PDCD7: variants seen among roughly 807,000 people sequenced by gnomAD.
PDCD7 encodes programmed cell death 7.
In PDCD7, 40 loss-of-function variants were observed where a neutral mutation model predicts 42.1. That is an observed-to-expected ratio of 0.95 (90% confidence interval 0.74 to 1.24). The LOEUF (loss-of-function observed/expected upper bound fraction) is 1.24. Ranked by LOEUF, PDCD7 falls within the 50% of genes most tolerant of loss-of-function variation. The pLI is 0.00. For missense variants in PDCD7, 644 were observed against 662.8 expected, an observed-to-expected ratio of 0.97 and a Z score of 0.31; for synonymous variants, 299 against 303.3, an observed-to-expected ratio of 0.99 and a Z score of 0.15.
chr15:65,128,892 A>T, intron 2 of PDCD7, 140 bp downstream of exon 2: 1 of 933,972 alleles, frequency 1.1e-6, no homozygotes, highest in Non-Finnish European at 1.6e-6. Flanking sequence ...GTTCTGACCT[A>T]CTTGCTGACA....
At position 65,133,100 on chromosome 15, in the gene PDCD7, G is replaced by C. The variant is rs776418706; in HGVS notation, c.682C>G (p.Gln228Glu). The C allele has an allele frequency of 1.3e-6, 2 of 1,558,712 alleles. No homozygotes were observed. Among genetic ancestry groups the C allele is most frequent in the East Asian group, 2.4e-5 (1 of 42,326 alleles). Residue 228 changes from glutamine to glutamate, a missense_variant, in exon 1 of 5, where the codon CAG becomes GAG. By Grantham distance (29) the Gln-to-Glu change is conservative. Transcript: ENST00000204549. The stretch of plus-strand genomic sequence containing the variant: ...CGCGCCTCGCCCACATAGGCAGCCT[G>C]GGTCAACGGCTGTAGCCGCTCGGCC... ...ELAERLQPLT[Q>E]AAYVGEARRR...
At position 65,124,873 on chromosome 15, in the gene PDCD7, G is replaced by GTAC. The variant is rs905864539; in HGVS notation, c.1009+4156_1009+4158dup. ...GCTCTGTGCTCACCTGTCAGCTACAGTACTACTGGAAGAGGTCATTTGATT... is the reference window on the plus strand; with the variant it reads ...GCTCTGTGCTCACCTGTCAGCTACAGTACTACTACTGGAAGAGGTCATTTGATT... On this transcript the variant is annotated intron_variant, in intron 2 of 4. Transcript: ENST00000204549. Among the ~76,000 whole-genome samples the GTAC allele has an allele frequency of 5.9e-5, 9 of 152,260 alleles. No homozygotes were observed. In the South Asian group the frequency reaches 1.5e-3, roughly 25 times the overall value.
chr15:65,132,203 C>T (rs1045923407), intron 1 of PDCD7, among the ~76,000 whole-genome samples: 14 of 150,256 alleles, frequency 9.3e-5, no homozygotes, highest in Admixed American at 1.3e-4. Flanking sequence ...AACTTGTAAA[C>T]AAAAGAATCC....
chr15:65,119,676 T>A, intron 3 of PDCD7, 42 bp downstream of exon 3: 1 of 1,573,828 alleles, frequency 6.4e-7, no homozygotes, highest in South Asian at 1.2e-5. Context: ...AGAGCGTCAA[T>A]CTAGTATTTT....
chr15:65,118,976 C>A, intron 4 of PDCD7, 136 bp from the exon 5 acceptor site: 1 of 568,298 alleles, frequency 1.8e-6, no homozygotes, highest in Non-Finnish European at 2.8e-6. Context: ...TTCTAGGAAT[C>A]AAGAAAATGA....
rs1344824579 is a variant in PDCD7, at chr15:65,119,823, G to T, written c.1141C>A (p.Gln381Lys). ...AATTCTCTTTTCCTCTCTTCCTCTTGTTCTCCTTCTAGCATAACTCTGAGG... is the reference window on the plus strand; with the variant it reads ...AATTCTCTTTTCCTCTCTTCCTCTTTTTCTCCTTCTAGCATAACTCTGAGG... ...RALRVMLEGE[Q>K]EEERKRELEK... is the part of the protein sequence containing the mutation. The change falls in exon 3 of 5, where the codon CAA (glutamine) becomes AAA (lysine). Residue 381 changes from glutamine (Q) to lysine (K), a missense_variant. Gln to Lys is a moderately conservative substitution (Grantham distance 53). Transcript: ENST00000204549. The T allele has an allele frequency of 1.2e-6, 2 of 1,612,996 alleles. No homozygotes were observed. The highest frequency in any genetic ancestry group is 2.2e-5 in the South Asian group (2 of 90,960).
chr15:65,128,833 A>G (rs1057036758), intron 2 of PDCD7, among the ~76,000 whole-genome samples, 199 bp downstream of exon 2: 2 of 152,188 alleles, frequency 1.3e-5, no homozygotes, highest in African/African-American at 2.4e-5. Flanking sequence ...TCTCTTTTCA[A>G]TCTGGGCTAC....
intron 1 of PDCD7, among the ~76,000 whole-genome samples, chr15:65,132,342 G>A (rs1311320067): frequency 6.7e-6 from 1 of 150,234 alleles, no homozygotes; most frequent in East Asian, 2.0e-4. Flanking sequence ...GGAATGCAGT[G>A]GTGCGATCTC....
chr15:65,133,088 C>T lies in PDCD7; in HGVS notation c.694G>A (p.Val232Met). The T allele has an allele frequency of 6.4e-7, 1 of 1,565,118 alleles. No homozygotes were observed. The highest frequency in any genetic ancestry group is 8.6e-7 in the Non-Finnish European group (1 of 1,162,292). ...RLQPLTQAAY[V>M]GEARRRLERV... ...TCCAGCCTCCTCCGCGCCTCGCCCA[C>T]ATAGGCAGCCTGGGTCAACGGCTGT... The change falls in exon 1 of 5, where the codon GTG (valine) becomes ATG (methionine). Residue 232 changes from valine to methionine, a missense_variant. Val to Met is a conservative substitution (Grantham distance 21). Transcript: ENST00000204549.
At chr15:65,130,126 G>A (rs1023655138) in intron 1 of PDCD7, among the ~76,000 whole-genome samples, 38 of 148,500 alleles carry the variant, frequency 2.6e-4, no homozygotes, top group African/African-American at 9.4e-4. Flanking sequence ...TTACAGGAGT[G>A]AGCCACTTCG....
At chr15:65,119,274 T>A in intron 4 of PDCD7, 102 bp downstream of exon 4, 3 of 574,106 alleles carry the variant, frequency 5.2e-6, no homozygotes, top group Non-Finnish European at 8.9e-6. Context: ...TTATGGAACT[T>A]AAAAAAAAAA....
chr15:65,120,202 G>A (rs2087442193), intron 2 of PDCD7, among the ~76,000 whole-genome samples: 1 of 151,840 alleles, frequency 6.6e-6, no homozygotes, highest in Admixed American at 6.6e-5. Context: ...TGTGCAGGCT[G>A]GAGTGCGGCA....
At chr15:65,123,403 A>G (rs1218718942) in intron 2 of PDCD7, among the ~76,000 whole-genome samples, 1 of 151,958 alleles carries the variant, frequency 6.6e-6, no homozygotes. Flanking sequence ...GGCCAGGATA[A>G]TCTTGATCTC....
chr15:65,133,218 C>T lies in PDCD7; in HGVS notation c.564G>A (p.Leu188=). 1 of 1,381,322 alleles carries T rather than the reference C, an allele frequency of 7.2e-7. No individual in the cohort carries two copies. Among genetic ancestry groups the T allele is most frequent in the South Asian group, 1.7e-5 (1 of 59,810 alleles). The allele number at this position is 1,381,322 out of a possible 1,614,324, so 85.6% of individuals were successfully genotyped here. Residue 188 remains leucine, a synonymous_variant, in exon 1 of 5, where the codon CTG becomes CTA. Coordinates refer to ENST00000204549, the MANE Select transcript of PDCD7 (RefSeq NM_005707.2). ...LLRALRLVRR[L]RGLSQALREA... ...CGCGCAGGGCCTGGCTCAGGCCGCGCAGCCGCCGCACCAGGCGCAGAGCCC... is the reference window on the plus strand; with the variant it reads ...CGCGCAGGGCCTGGCTCAGGCCGCGTAGCCGCCGCACCAGGCGCAGAGCCC...
intron 1 of PDCD7, among the ~76,000 whole-genome samples, chr15:65,130,541 C>T (rs772066134): frequency 6.6e-6 from 1 of 152,162 alleles, no homozygotes; most frequent in Non-Finnish European, 1.5e-5. Context: ...GCCTAAAGTG[C>T]TCTCCCCCAT....
In PDCD7 at chr15:65,122,746, G is replaced by A. The variant is rs118107864; in HGVS notation, c.1010-2792C>T. On this transcript the variant is annotated intron_variant, in intron 2 of 4. Coordinates refer to ENST00000204549, the MANE Select transcript of PDCD7 (RefSeq NM_005707.2). ...TTCTTGGCCGGGCAGGGTGGCTCCT[G>A]TAATTCCAACACTTTGGGAGGCTGA... Among the ~76,000 whole-genome samples, 12 of 152,278 alleles carry A rather than the reference G, an allele frequency of 7.9e-5. No homozygotes were observed. In the East Asian group the frequency reaches 1.7e-3, roughly 22 times the overall value.
chr15:65,120,088 C>G, intron 2 of PDCD7, 134 bp from the exon 3 acceptor site: 1 of 912,052 alleles, frequency 1.1e-6, no homozygotes, highest in South Asian at 1.9e-5. Context: ...TCAACCCATC[C>G]TCCCACCTTG....
Position 65,118,598 on chromosome 15 carries a change from AG to A in PDCD7, c.*118del. ...CAGAAGGAAAGCATAACTTCAGGGT[AG>A]GGGAATGCCACATGGAATTTAGAAG... On this transcript the variant is annotated 3_prime_UTR_variant, in exon 5 of 5. Coordinates refer to ENST00000204549, the MANE Select transcript of PDCD7 (RefSeq NM_005707.2). 1 of 1,005,862 alleles carries A rather than the reference AG, an allele frequency of 9.9e-7. No homozygotes were observed. The highest frequency in any genetic ancestry group is 3.0e-5 in the Admixed American group (1 of 33,026). The allele number at this position is 1,005,862 out of a possible 1,614,324, so 62.3% of individuals were successfully genotyped here.
At chr15:65,127,838 G>C (rs1041668085) in intron 2 of PDCD7, among the ~76,000 whole-genome samples, 5 of 152,214 alleles carry the variant, frequency 3.3e-5, no homozygotes, top group African/African-American at 1.2e-4. Flanking sequence ...TCACCTCATA[G>C]AGGATGTGAG....
Sources: allele counts gnomAD v4.1 joint callset (sites outside exome capture counted in the v4.1 genomes callset), GRCh38; gene constraint gnomAD v4.1.1; transcripts MANE v1.5; gene names NCBI Gene and HGNC (gene_info 2026-07-23, HGNC 2026-07-21).